The following TMPPE variants were observed in gnomAD, a reference collection of about 807,000 sequenced individuals.
TMPPE encodes transmembrane protein with metallophosphoesterase domain.
In TMPPE, 16 loss-of-function variants were observed where a neutral mutation model predicts 22.6. The ratio of observed to expected loss-of-function variants is 0.71; its 90% CI spans 0.48 to 1.08. The LOEUF (loss-of-function observed/expected upper bound fraction) is 1.08. TMPPE is among the 50% of genes least tolerant of loss of function. The pLI is 0.00. For missense variants in TMPPE, 526 were observed against 584.3 expected (o/e 0.90, Z 1.03); for synonymous variants, 240 against 245.3 (o/e 0.98, Z 0.20).
chr3:33,091,192 G>T lies in TMPPE; in HGVS notation c.*1642C>A. ...GGAAGGACAGTGAAGAGAGAAAAAA[G>T]AATAAGGAAACCACCAAAATTTCAA... On this transcript the variant is annotated 3_prime_UTR_variant, in exon 2 of 2. Transcript: ENST00000342462. The T allele has an allele frequency of 1.0e-6, 1 of 985,364 alleles. No individual in the cohort carries two copies. Among genetic ancestry groups the T allele is most frequent in the Non-Finnish European group, 1.2e-6 (1 of 829,930 alleles). 61.0% of individuals were successfully genotyped at this position (985,364 alleles called of 1,614,324 possible).
At position 33,093,165 on chromosome 3, in the gene TMPPE, T is replaced by G. The variant is rs937285209; in HGVS notation, c.1031A>C (p.Tyr344Ser). The G allele has an allele frequency of 1.9e-6, 3 of 1,613,794 alleles. No individual in the cohort carries two copies. Among genetic ancestry groups the G allele is most frequent in the Non-Finnish European group, 2.5e-6 (3 of 1,179,938 alleles). ...GTCAAGATCCATGCCATGGCCAGAG[T>G]AGTGCAGGATGTCTGCTTCAATATC... is the stretch of plus-strand genomic sequence containing the variant. ...VDDIEADILHYSGHGMDLDKA... is the reference protein window; with the variant it reads ...VDDIEADILHSSGHGMDLDKA... Residue 344 changes from tyrosine to serine, a missense_variant, in exon 2 of 2, where the codon TAC becomes TCC. By Grantham distance (144) the Tyr-to-Ser change is moderately radical (BLOSUM62 -2). Coordinates refer to ENST00000342462, the MANE Select transcript of TMPPE (RefSeq NM_001039770.3). The surrounding 1 kb of genome is among the most constrained non-coding windows in gnomAD (Gnocchi z 6.0).
chr3:33,094,217 C>T lies in TMPPE; in HGVS notation c.-22G>A, dbSNP rs754470799. The T allele has an allele frequency of 1.9e-6, 3 of 1,574,968 alleles. No homozygotes were observed. Among genetic ancestry groups the T allele is most frequent in the South Asian group, 2.4e-5 (2 of 84,836 alleles). On this transcript the variant is annotated 5_prime_UTR_variant, in exon 2 of 2. Coordinates refer to ENST00000342462, the MANE Select transcript of TMPPE (RefSeq NM_001039770.3). ...CCATTTTCTCTGCTCCTAGTAGGCT[C>T]CCCCACCAGTTCTGTGCTGGTGGAC...
chr3:33,093,682 C>T lies in TMPPE; in HGVS notation c.514G>A (p.Val172Met). ...CCGGCCACGCTGAGCACAGCAGTCA[C>T]TCCCACTGCCAGGGCAGGCCTGAGC... is the stretch of plus-strand genomic sequence containing the variant. Reference protein sequence around the residue: ...LVLRPALAVGVTAVLSVAGIL... With the variant: ...LVLRPALAVGMTAVLSVAGIL... Residue 172 changes from valine to methionine, a missense_variant, in exon 2 of 2, where the codon GTG (valine) becomes ATG (methionine). Val to Met is a conservative substitution (Grantham distance 21). Transcript: ENST00000342462. The surrounding 1 kb of genome is among the most constrained non-coding windows in gnomAD (Gnocchi z 6.0). The T allele has an allele frequency of 6.2e-7, 1 of 1,614,234 alleles. No individual in the cohort carries two copies. The highest frequency in any genetic ancestry group is 2.2e-5 in the East Asian group (1 of 44,886).
intron 1 of TMPPE, among the ~76,000 whole-genome samples, chr3:33,095,053 A>G (rs2125588168): frequency 6.6e-6 from 1 of 152,190 alleles, no homozygotes; most frequent in Admixed American, 6.5e-5. Context: ...TCTACTAAAA[A>G]TTCAAAAATT....
chr3:33,096,477 G>A (rs1430453940), intron 1 of TMPPE: 2 of 984,916 alleles, frequency 2.0e-6, no homozygotes, highest in Non-Finnish European at 2.4e-6. Context: ...CCAAAGGGCA[G>A]GCGACGGGGA....
At position 33,091,620 on chromosome 3, in the gene TMPPE, A is replaced by G; in HGVS notation, c.*1214T>C. The G allele has an allele frequency of 2.0e-6, 2 of 984,320 alleles. No individual in the cohort carries two copies. Among genetic ancestry groups the G allele is most frequent in the Non-Finnish European group, 2.4e-6 (2 of 828,958 alleles). 61.0% of individuals were successfully genotyped at this position (984,320 alleles called of 1,614,324 possible). ...AAGGCTTGATGGATCCCTCCTGACA[A>G]AACAATCTTGAGGTAGATACGATAA... On this transcript the variant is annotated 3_prime_UTR_variant, in exon 2 of 2. Transcript: ENST00000342462.
chr3:33,093,903 G>T lies in TMPPE; in HGVS notation c.293C>A (p.Ser98Tyr). 6.2e-7 allele frequency: 1 copy of T among 1,614,016 alleles called. No individual in the cohort carries two copies. Among genetic ancestry groups the T allele is most frequent in the East Asian group, 2.2e-5 (1 of 44,884 alleles). ...VVLAFLALAHSSFFTMFFLVA... is the reference protein window; with the variant it reads ...VVLAFLALAHYSFFTMFFLVA... ...TAAAAAGAACATGGTAAAGAAACTGGAATGGGCCAGGGCCAGAAATGCCAG... is the reference window on the plus strand; with the variant it reads ...TAAAAAGAACATGGTAAAGAAACTGTAATGGGCCAGGGCCAGAAATGCCAG... Residue 98 changes from serine to tyrosine, a missense_variant, in exon 2 of 2, where the codon TCC becomes TAC. By Grantham distance (144) the Ser-to-Tyr change is moderately radical. Coordinates refer to ENST00000342462, the MANE Select transcript of TMPPE (RefSeq NM_001039770.3). This position sits in a 1 kb window ranked among gnomAD's most constrained non-coding sequence, Gnocchi z 6.0.
rs758668019 is a variant in TMPPE, at chr3:33,092,930, G to A, written c.1266C>T (p.Phe422=). ...AGGCTGTGCCTGGGCTGACATACAC[G>A]AATGTAGCCTGGGCCACCTGGTAGA... is the stretch of plus-strand genomic sequence containing the variant. The part of the protein sequence containing the change: ...AGLYQVAQAT[F]VYVSPGTAYY... Residue 422 remains phenylalanine (F), a synonymous_variant, in exon 2 of 2, where the codon TTC becomes TTT. Coordinates refer to ENST00000342462, the MANE Select transcript of TMPPE (RefSeq NM_001039770.3). 8.3e-5 allele frequency: 134 copies of A among 1,614,078 alleles called. No homozygotes were observed. The highest frequency in any genetic ancestry group is 1.1e-4 in the Non-Finnish European group (124 of 1,180,038).
chr3:33,096,579 A>AT, intron 1 of TMPPE, 140 bp downstream of exon 1: 1 of 1,030,618 alleles, frequency 9.7e-7, no homozygotes, highest in East Asian at 1.1e-4. Context: ...TCCTGACCCC[A>AT]TTTTTCTCCT....
In TMPPE at chr3:33,090,601, TC is replaced by T; in HGVS notation, c.*2232del. Reference sequence around the variant, plus strand: ...GCTTCAAGTAACGTTTCTCACCACCTCCCCCGGCCACAAACAAACAAAAAGG... The same window carrying T: ...GCTTCAAGTAACGTTTCTCACCACCTCCCCGGCCACAAACAAACAAAAAGG... On this transcript the variant is annotated 3_prime_UTR_variant, in exon 2 of 2. Coordinates refer to ENST00000342462, the MANE Select transcript of TMPPE (RefSeq NM_001039770.3). The T allele has an allele frequency of 1.0e-6, 1 of 985,082 alleles. No individual in the cohort carries two copies. The highest frequency in any genetic ancestry group is 1.2e-6 in the Non-Finnish European group (1 of 829,884). 61.0% of individuals were successfully genotyped at this position (985,082 alleles called of 1,614,324 possible).
intron 1 of TMPPE, chr3:33,096,407 C>A (rs1446107577): frequency 2.1e-6 from 2 of 930,728 alleles, no homozygotes; most frequent in African/African-American, 3.6e-5. Flanking sequence ...TTCCCCCCCT[C>A]AACCTGGACC....
intron 1 of TMPPE, 36 bp from the exon 2 acceptor site, chr3:33,094,339 T>A (rs1206041609): frequency 5.5e-6 from 8 of 1,454,950 alleles, no homozygotes; most frequent in Non-Finnish European, 7.3e-6. Flanking sequence ...TTGTGGGATA[T>A]TAGAGTGTCC....
In TMPPE at chr3:33,092,223, G is replaced by C. The variant is rs929128988; in HGVS notation, c.*611C>G. 3 of 985,600 alleles carry C rather than the reference G, an allele frequency of 3.0e-6. No homozygotes were observed. The highest frequency in any genetic ancestry group is 9.4e-5 in the South Asian group (2 of 21,296). 61.1% of individuals were successfully genotyped at this position (985,600 alleles called of 1,614,324 possible). A position where few individuals can be genotyped will look rare whatever the true frequency, so the allele number is the denominator to read the frequency against. On this transcript the variant is annotated 3_prime_UTR_variant, in exon 2 of 2. Transcript: ENST00000342462. ...GTTAAATAGCATCCCTCAAGGCCTG[G>C]AACAGGAGGAGCTTTGCATTCCAGT...
intron 1 of TMPPE, among the ~76,000 whole-genome samples, chr3:33,094,650 C>T (rs1487542760): frequency 2.0e-5 from 3 of 147,964 alleles, no homozygotes; most frequent in African/African-American, 7.5e-5. Flanking sequence ...AATTCCAAGC[C>T]ATTACTGCCT....
rs369203167 is a variant in TMPPE at position 33,093,604 on chromosome 3, G to A, written c.592C>T (p.His198Tyr). 2.5e-6 allele frequency: 4 copies of A among 1,614,058 alleles called. No individual in the cohort carries two copies. In the African/African-American group the frequency reaches 4.0e-5, roughly 16 times the overall value. Reference protein sequence around the residue: ...PAVKTVEVPIHQLPASMNNLK... With the variant: ...PAVKTVEVPIYQLPASMNNLK... Reference sequence around the variant, plus strand: ...TTGTTCATTGAGGCAGGCAGCTGATGGATGGGCACCTCCACAGTTTTCACA... The same window carrying A: ...TTGTTCATTGAGGCAGGCAGCTGATAGATGGGCACCTCCACAGTTTTCACA... The change falls in exon 2 of 2, where the codon CAT (histidine) becomes TAT (tyrosine). Residue 198 changes from histidine (H) to tyrosine (Y), a missense_variant. His to Tyr is a moderately conservative substitution (Grantham distance 83). Transcript: ENST00000342462. This position sits in a 1 kb window ranked among gnomAD's most constrained non-coding sequence, Gnocchi z 6.0.
chr3:33,092,980 G>A lies in TMPPE; in HGVS notation c.1216C>T (p.Leu406Phe). 2 of 1,614,246 alleles carry A rather than the reference G, an allele frequency of 1.2e-6. No homozygotes were observed. Among genetic ancestry groups the A allele is most frequent in the South Asian group, 2.2e-5 (2 of 91,082 alleles). ...AGACCAGCAAAGAAGGGATTCAGGA[G>A]ATAGGCTGCTACGTTCAAGGGGAAG... ...QIFPLNVAAY[L>F]LNPFFAGLYQ... The change falls in exon 2 of 2, where the codon CTC becomes TTC. Residue 406 changes from leucine (L) to phenylalanine (F), a missense_variant. Physicochemically the swap from Leu to Phe is conservative, Grantham distance 22 (BLOSUM62 0). Transcript: ENST00000342462.
At chr3:33,094,737 T>C (rs909200257) in intron 1 of TMPPE, among the ~76,000 whole-genome samples, 6 of 152,190 alleles carry the variant, frequency 3.9e-5, no homozygotes, top group Admixed American at 6.5e-5. Context: ...ACAGATTTAA[T>C]GCAGAAATAA....
rs1056984298 is a variant in TMPPE at position 33,092,839 on chromosome 3, G to C, written c.1357C>G (p.Pro453Ala). 24 of 1,598,930 alleles carry C rather than the reference G, an allele frequency of 1.5e-5. No homozygotes were observed. The highest frequency in any genetic ancestry group is 1.7e-4 in the Middle Eastern group (1 of 5,884). The change falls in exon 2 of 2, where the codon CCC (proline) becomes GCC (alanine). Residue 453 changes from proline to alanine, a missense_variant. Physicochemically the swap from Pro to Ala is conservative, Grantham distance 27. Transcript: ENST00000342462. ...EITELILQRS[P>A] is the part of the protein sequence containing the mutation. ...GTGCACAGGGCAGGGCCAGTTCAGGGAGACCGCTGCAGGATGAGCTCTGTG... is the reference window on the plus strand; with the variant it reads ...GTGCACAGGGCAGGGCCAGTTCAGGCAGACCGCTGCAGGATGAGCTCTGTG...
chr3:33,095,418 C>G (rs900799329), intron 1 of TMPPE, among the ~76,000 whole-genome samples: 1 of 151,850 alleles, frequency 6.6e-6, no homozygotes, highest in African/African-American at 2.4e-5. Flanking sequence ...CCCAGCTACT[C>G]GGGAGGCTGA....
Sources: allele counts gnomAD v4.1 joint callset (sites outside exome capture counted in the v4.1 genomes callset), GRCh38; gene constraint gnomAD v4.1.1; non-coding constraint Gnocchi (gnomAD v3.1); transcripts MANE v1.5; gene names NCBI Gene and HGNC (gene_info 2026-07-23, HGNC 2026-07-21).